Variants in ARFGEF2 observed in about 807,000 individuals in gnomAD.
ARFGEF2 encodes the protein brefeldin A-inhibited guanine nucleotide-exchange protein 2.
Under a neutral mutation model 219.9 loss-of-function variants are expected in ARFGEF2, and 74 were observed. The ratio of observed to expected loss-of-function variants is 0.34; its 90% CI spans 0.28 to 0.41. ARFGEF2 has a LOEUF of 0.41. Ranked by LOEUF, ARFGEF2 falls within the 10% of genes least tolerant of loss-of-function variation. The pLI is 1.00. For synonymous variants in ARFGEF2, 733 were observed against 799.2 expected (o/e 0.92, Z 1.40); for missense variants, 1,743 against 2,218.3 (o/e 0.79, Z 4.30).
rs577253027 is a variant in ARFGEF2 at position 49,029,535 on chromosome 20, ATAAC to A, written c.5063+871_5063+874del. On this transcript the variant is annotated intron_variant, in intron 37 of 38. Coordinates refer to ENST00000371917, the MANE Select transcript of ARFGEF2 (RefSeq NM_006420.3). The stretch of plus-strand genomic sequence containing the variant: ...TTTAAGCAGCTCAACTGTGGAATGA[ATAAC>A]TAAGCTGTAATATGTCCTAAATTAT... Among the ~76,000 whole-genome samples, 22 of 152,346 alleles carry A rather than the reference ATAAC, an allele frequency of 1.4e-4. No homozygotes were observed. In the East Asian group the frequency reaches 4.0e-3, roughly 28 times the overall value.
At chr20:48,986,512 G>A (rs1180246974) in intron 16 of ARFGEF2, among the ~76,000 whole-genome samples, 1 of 151,864 alleles carries the variant, frequency 6.6e-6, no homozygotes, top group African/African-American at 2.4e-5. Flanking sequence ...CTGCTCAGAG[G>A]CTGAGGCAGG....
intron 1 of ARFGEF2, among the ~76,000 whole-genome samples, chr20:48,940,791 G>A (rs141378008): frequency 5.3e-5 from 8 of 152,304 alleles, no homozygotes; most frequent in African/African-American, 1.9e-4. Flanking sequence ...GAGGGGTCAG[G>A]GGTGCTCCTG....
intron 37 of ARFGEF2, among the ~76,000 whole-genome samples, chr20:49,030,051 G>A (rs1600562935): frequency 6.6e-6 from 1 of 151,808 alleles, no homozygotes; most frequent in East Asian, 1.9e-4. Context: ...GGGACTACAG[G>A]CGTGTGCCAT....
intron 14 of ARFGEF2, among the ~76,000 whole-genome samples, chr20:48,983,940 A>G (rs908693684): frequency 1.3e-5 from 2 of 152,052 alleles, no homozygotes; most frequent in Non-Finnish European, 1.5e-5. Flanking sequence ...TGGGCTGGGC[A>G]TGGTGGCTCA....
chr20:48,991,517 T>C (rs1015591589), intron 21 of ARFGEF2, among the ~76,000 whole-genome samples: 1 of 151,952 alleles, frequency 6.6e-6, no homozygotes, highest in Non-Finnish European at 1.5e-5. Flanking sequence ...TGGGAGCTCC[T>C]GTGATCAATG....
At position 48,998,518 on chromosome 20, in the gene ARFGEF2, A is replaced by C; in HGVS notation, c.3432+13A>C. The C allele has an allele frequency of 1.9e-6, 3 of 1,607,394 alleles. No individual in the cohort carries two copies. The highest frequency in any genetic ancestry group is 1.7e-4 in the Middle Eastern group (1 of 5,984). On this transcript the variant is annotated intron_variant, in intron 25 of 38. Transcript: ENST00000371917. Reference sequence around the variant, plus strand: ...TCACTTCAATAAGGTAACTCTTCAAATTTAAAAACCATTCCTGTTAAAAAA... The same window carrying C: ...TCACTTCAATAAGGTAACTCTTCAACTTTAAAAACCATTCCTGTTAAAAAA...
chr20:48,955,532 A>G (rs1219995791), intron 6 of ARFGEF2, among the ~76,000 whole-genome samples: 3 of 152,204 alleles, frequency 2.0e-5, no homozygotes, highest in Non-Finnish European at 4.4e-5. Context: ...GAGCAAATAC[A>G]TTTTTTGAAT....
At chr20:48,982,096 T>C (rs1473126151) in intron 14 of ARFGEF2, among the ~76,000 whole-genome samples, 1 of 152,236 alleles carries the variant, frequency 6.6e-6, no homozygotes, top group East Asian at 1.9e-4. Flanking sequence ...TTTTCTGCTC[T>C]GGTGTCTCCC....
chr20:48,990,206 G>T (rs749044845), intron 20 of ARFGEF2, among the ~76,000 whole-genome samples: 1 of 151,958 alleles, frequency 6.6e-6, no homozygotes, highest in Non-Finnish European at 1.5e-5. Context: ...ATAATAATAG[G>T]TAGGGTCCAA....
At chr20:48,950,803 AAAAAAAAAATATATATATATAT>A (rs1350966392) in intron 3 of ARFGEF2, among the ~76,000 whole-genome samples, 10 of 39,672 alleles carry the variant, frequency 2.5e-4, no homozygotes, top group African/African-American at 5.4e-4. Context: ...CTAAAAAAAA[AAAAAAAAAATATATATATATAT>A]ATATATATAT....
intron 23 of ARFGEF2, 186 bp from the exon 24 acceptor site, chr20:48,998,007 G>T: frequency 1.7e-6 from 1 of 591,198 alleles, no homozygotes; most frequent in South Asian, 1.8e-5. Flanking sequence ...ACAGGTGCCC[G>T]CCACCACGCC....
At chr20:48,974,470 G>A (rs1195246136) in intron 12 of ARFGEF2, among the ~76,000 whole-genome samples, 5 of 151,976 alleles carry the variant, frequency 3.3e-5, no homozygotes, top group African/African-American at 1.2e-4. Flanking sequence ...AATCACATAA[G>A]CAATGAATGA....
chr20:48,972,435 C>A lies in ARFGEF2; in HGVS notation c.1525+10C>A. The A allele has an allele frequency of 6.3e-7, 1 of 1,597,700 alleles. No individual in the cohort carries two copies. Among genetic ancestry groups the A allele is most frequent in the Non-Finnish European group, 8.6e-7 (1 of 1,165,126 alleles). Reference sequence around the variant, plus strand: ...ACGAGGATCTGTGCAGGTATTTCCACCTGGGGACACTCATCCACTGGACTT... The same window carrying A: ...ACGAGGATCTGTGCAGGTATTTCCAACTGGGGACACTCATCCACTGGACTT... On this transcript the variant is annotated intron_variant, in intron 11 of 38. Coordinates refer to ENST00000371917, the MANE Select transcript of ARFGEF2 (RefSeq NM_006420.3).
At chr20:48,990,970 G>T (rs2091354281) in intron 20 of ARFGEF2, 70 bp from the exon 21 acceptor site, 1 of 1,540,546 alleles carries the variant, frequency 6.5e-7, no homozygotes, top group African/African-American at 1.4e-5. Context: ...CAGTGTGCCA[G>T]CCCTGCAGAT....
intron 1 of ARFGEF2, among the ~76,000 whole-genome samples, chr20:48,940,528 C>A (rs1022166930): frequency 6.6e-6 from 1 of 152,212 alleles, no homozygotes; most frequent in South Asian, 2.1e-4. Context: ...TGTGATATTA[C>A]CATGTTATTG....
chr20:48,945,829 A>G (rs1476351355), intron 3 of ARFGEF2, among the ~76,000 whole-genome samples: 2 of 152,118 alleles, frequency 1.3e-5, no homozygotes, highest in African/African-American at 2.4e-5. Context: ...GTGACACCTA[A>G]CTCTAGCCTG....
At position 48,971,293 on chromosome 20, in the gene ARFGEF2, CTCTT is replaced by C; in HGVS notation, c.1365_1368del (p.Leu456ProfsTer14). 6.2e-7 allele frequency: 1 copy of C among 1,614,194 alleles called. No homozygotes were observed. Among genetic ancestry groups the C allele is most frequent in the South Asian group, 1.1e-5 (1 of 91,084 alleles). On this transcript the variant is annotated frameshift_variant, in exon 10 of 39. Transcript: ENST00000371917. LOFTEE classifies it high-confidence loss of function. Reference sequence around the variant, plus strand: ...TCAGTGCCTGATGTCTTTGAGCTCTCTCTTGCCATTTTTCTTACTCTTCTTTCAA... The same window carrying C: ...TCAGTGCCTGATGTCTTTGAGCTCTCGCCATTTTTCTTACTCTTCTTTCAA...
chr20:48,954,032 T>G (rs2091090700), intron 6 of ARFGEF2, among the ~76,000 whole-genome samples: 1 of 152,254 alleles, frequency 6.6e-6, no homozygotes, highest in Admixed American at 6.5e-5. Context: ...CTGCTACTTC[T>G]TCATGTCAGC....
At chr20:48,991,271 A>C (rs2123465688) in intron 21 of ARFGEF2, 73 bp downstream of exon 21, 1,240 of 1,569,808 alleles carry the variant, frequency 7.9e-4, no homozygotes, top group Non-Finnish European at 9.8e-4. Flanking sequence ...TGTTGATCTC[A>C]TTTGGTCAGT....
Sources: gnomAD v4.1 joint callset for allele counts (sites outside exome capture counted in the v4.1 genomes callset) on GRCh38, gnomAD v4.1.1 for gene constraint, MANE v1.5 for transcripts, NCBI Gene and HGNC (gene_info 2026-07-23, HGNC 2026-07-21) for gene names.